RRAGD: variants seen among roughly 807,000 people sequenced by gnomAD.
The protein encoded by RRAGD is ras-related GTP-binding protein D.
RRAGD carries 12 observed loss-of-function variants against 35.5 expected under a neutral mutation model. The ratio of observed to expected loss-of-function variants is 0.34; its 90% CI spans 0.22 to 0.55. The LOEUF (loss-of-function observed/expected upper bound fraction) is 0.55. Among genes scored for constraint, RRAGD ranks in the 20% least tolerant of loss-of-function variants. RRAGD has a pLI of 0.91. For synonymous variants in RRAGD, 155 were observed against 178.9 expected (o/e 0.87, Z 1.07); for missense variants, 324 against 490.1 (o/e 0.66, Z 3.20).
chr6:89,400,264 C>T (rs186361597), intron 1 of RRAGD, among the ~76,000 whole-genome samples: 3 of 152,098 alleles, frequency 2.0e-5, no homozygotes, highest in African/African-American at 7.2e-5. Flanking sequence ...GATTTAAAAA[C>T]AAAAAACTAG....
At chr6:89,409,204 T>C (rs1769647054) in intron 1 of RRAGD, among the ~76,000 whole-genome samples, 2 of 152,166 alleles carry the variant, frequency 1.3e-5, no homozygotes, top group Non-Finnish European at 2.9e-5. Context: ...CTGAGGGAAA[T>C]GAAAATTGCA....
chr6:89,379,795 A>T (rs1769011533), intron 3 of RRAGD, among the ~76,000 whole-genome samples: 1 of 152,206 alleles, frequency 6.6e-6, no homozygotes, highest in Non-Finnish European at 1.5e-5. Context: ...CTTTGTGAGG[A>T]TTCCTATTTG....
chr6:89,371,566 T>G (rs1194827021), intron 6 of RRAGD, among the ~76,000 whole-genome samples: 1 of 152,164 alleles, frequency 6.6e-6, no homozygotes, highest in Non-Finnish European at 1.5e-5. Flanking sequence ...AATACCTGGT[T>G]TTATTCTACA....
chr6:89,384,990 G>A (rs1769116382), intron 2 of RRAGD, among the ~76,000 whole-genome samples: 1 of 151,850 alleles, frequency 6.6e-6, no homozygotes, highest in Admixed American at 6.6e-5. Flanking sequence ...GGACTTTGAG[G>A]CTGTAGCGGG....
intron 1 of RRAGD, among the ~76,000 whole-genome samples, chr6:89,393,611 T>C (rs765680582): frequency 2.2e-4 from 33 of 152,312 alleles, no homozygotes; most frequent in Non-Finnish European, 4.3e-4. Flanking sequence ...CTCACTACAA[T>C]GTGTGGAGAA....
intron 1 of RRAGD, among the ~76,000 whole-genome samples, chr6:89,399,732 T>C (rs573133136): frequency 6.6e-6 from 1 of 152,140 alleles, no homozygotes; most frequent in Admixed American, 6.5e-5. Flanking sequence ...TGAGCTGTGA[T>C]TATGCCACTG....
chr6:89,371,221 G>C (rs1456508189), intron 6 of RRAGD, among the ~76,000 whole-genome samples: 3 of 152,040 alleles, frequency 2.0e-5, no homozygotes, highest in Non-Finnish European at 2.9e-5. Context: ...AGACGTGGTG[G>C]CTCACTCCTT....
rs1410151222 is a variant in RRAGD at position 89,365,425 on chromosome 6, A to G, written c.*2631T>C. 1 of 152,220 alleles carries G rather than the reference A, an allele frequency of 6.6e-6. No individual in the cohort carries two copies. Among genetic ancestry groups the G allele is most frequent in the South Asian group, 2.1e-4 (1 of 4,834 alleles). 9.4% of individuals were successfully genotyped at this position (152,220 alleles called of 1,614,324 possible). A position where few individuals can be genotyped will look rare whatever the true frequency, so the allele number is the denominator to read the frequency against. On this transcript the variant is annotated 3_prime_UTR_variant, in exon 7 of 7. Coordinates refer to ENST00000369415, the MANE Select transcript of RRAGD (RefSeq NM_021244.5). ...TTAGGATTTGTATTTATAGAATTAA[A>G]TTTGAGAATGAAACATGGCCATACA...
chr6:89,406,682 C>T (rs1020277796), intron 1 of RRAGD, among the ~76,000 whole-genome samples: 3 of 152,132 alleles, frequency 2.0e-5, no homozygotes, highest in African/African-American at 4.8e-5. Context: ...CCGATTCTTC[C>T]GGTACACCAA....
intron 2 of RRAGD, among the ~76,000 whole-genome samples, chr6:89,385,184 C>T (rs1769119121): frequency 6.6e-6 from 1 of 152,138 alleles, no homozygotes; most frequent in Non-Finnish European, 1.5e-5. Context: ...CACATTATAA[C>T]CATATTAGAA....
chr6:89,370,850 G>A (rs1417695914), intron 6 of RRAGD, among the ~76,000 whole-genome samples: 6 of 152,078 alleles, frequency 3.9e-5, no homozygotes, highest in Admixed American at 6.5e-5. Context: ...GACTGGAAAA[G>A]TATACAGGAA....
At chr6:89,392,480 G>GAAA (rs35934225) in intron 1 of RRAGD, among the ~76,000 whole-genome samples, 96 of 141,830 alleles carry the variant, frequency 6.8e-4, no homozygotes, top group African/African-American at 1.0e-3. Context: ...ACCCTGTCTC[G>GAAA]AAAAAAAAAA....
rs854922 is a variant in RRAGD at position 89,412,231 on chromosome 6, G to C, written c.-238C>G. On this transcript the variant is annotated 5_prime_UTR_variant, in exon 1 of 7. Transcript: ENST00000369415. The surrounding 1 kb of genome is among the most constrained non-coding windows in gnomAD (Gnocchi z 4.2). ...CGCCCGCCGGCGGAGGAGTCAGCCG[G>C]AGCGCGGCAGTTCCTCCCGGAGGAG... is the stretch of plus-strand genomic sequence containing the variant. 5.0e-5 allele frequency: 14 copies of C among 277,846 alleles called. No homozygotes were observed. Among genetic ancestry groups the C allele is most frequent in the Non-Finnish European group, 7.9e-5 (12 of 152,764 alleles). 17.2% of individuals were successfully genotyped at this position (277,846 alleles called of 1,614,324 possible). A position where few individuals can be genotyped will look rare whatever the true frequency, so the allele number is the denominator to read the frequency against.
At chr6:89,390,753 C>T (rs1195444235) in intron 1 of RRAGD, among the ~76,000 whole-genome samples, 1 of 151,992 alleles carries the variant, frequency 6.6e-6, no homozygotes, top group East Asian at 1.9e-4. Flanking sequence ...CAAAAATTAG[C>T]CAGACATGGT....
chr6:89,375,992 GATTA>G (rs1768932253), intron 5 of RRAGD, among the ~76,000 whole-genome samples: 1 of 152,200 alleles, frequency 6.6e-6, no homozygotes, highest in South Asian at 2.1e-4. Flanking sequence ...GCATGTGCCA[GATTA>G]ATTGTGTTGT....
chr6:89,397,785 T>A (rs560130129), intron 1 of RRAGD, among the ~76,000 whole-genome samples: 1 of 152,304 alleles, frequency 6.6e-6, no homozygotes, highest in South Asian at 2.1e-4. Context: ...TTTCATAAAA[T>A]TTTTTTAAAA....
chr6:89,409,135 T>C (rs854924), intron 1 of RRAGD, among the ~76,000 whole-genome samples: 145,956 of 152,366 alleles, frequency 0.96, 69,961 homozygotes, highest in East Asian at 1. Flanking sequence ...TGTGGTAAAA[T>C]TTACAAGGCA....
intron 5 of RRAGD, among the ~76,000 whole-genome samples, chr6:89,373,510 C>T (rs1433807371): frequency 1.3e-5 from 2 of 150,350 alleles, no homozygotes; most frequent in East Asian, 2.0e-4. Context: ...CCCAGCTACT[C>T]GGGAGGCTGA....
intron 5 of RRAGD, among the ~76,000 whole-genome samples, chr6:89,373,359 G>A (rs1003797701): frequency 5.9e-5 from 9 of 152,110 alleles, no homozygotes; most frequent in African/African-American, 1.9e-4. Flanking sequence ...AGTGGCTCAC[G>A]CCTGTAATCC....
Sources: allele counts gnomAD v4.1 joint callset (sites outside exome capture counted in the v4.1 genomes callset), GRCh38; gene constraint gnomAD v4.1.1; non-coding constraint Gnocchi (gnomAD v3.1); transcripts MANE v1.5; gene names NCBI Gene and HGNC (gene_info 2026-07-23, HGNC 2026-07-21).